The following PCDH11X variants were observed in gnomAD, a reference collection of about 807,000 sequenced individuals.
The protein encoded by PCDH11X is protocadherin-11 X-linked.
Under a neutral mutation model 53.3 loss-of-function variants are expected in PCDH11X, and 18 were observed. The observed-to-expected ratio is 0.34, with a 90% CI of 0.23 to 0.50. PCDH11X has a LOEUF of 0.50. PCDH11X is among the 20% of genes least tolerant of loss of function. The probability of loss-of-function intolerance (pLI) is 0.98; values close to 1 mark genes in which losing one functional copy is unlikely to be tolerated. For missense variants in PCDH11X, 570 were observed against 1,032.4 expected (o/e 0.55, Z 6.14); for synonymous variants, 279 against 393.3 (o/e 0.71, Z 3.44).
At position 92,424,230 on chromosome X, in the gene PCDH11X, G is replaced by A. The variant is rs759749376; in HGVS notation, c.3343+36297G>A. On this transcript the variant is annotated intron_variant, in intron 9 of 10. Coordinates refer to ENST00000682573, the MANE Select transcript of PCDH11X (RefSeq NM_032968.5). The stretch of plus-strand genomic sequence containing the variant: ...GAGAATCTCTCATATTTTCCTGAGT[G>A]TTTTTATGTTAAATGTTATATAGTA... Among the ~76,000 whole-genome samples the A allele has an allele frequency of 8.4e-3, 729 of 87,144 alleles. 31 individuals carry two copies. The highest frequency in any genetic ancestry group is 0.025 in the African/African-American group (686 of 27,391). The allele number at this position is 87,144 out of a possible 115,157, so 75.7% of individuals were successfully genotyped here. A position where few individuals can be genotyped will look rare whatever the true frequency, so the allele number is the denominator to read the frequency against.
intron 6 of PCDH11X, among the ~76,000 whole-genome samples, chrX:92,055,853 G>A (rs2063441270): frequency 9.0e-6 from 1 of 110,932 alleles, no homozygotes; most frequent in African/African-American, 3.3e-5. Context: ...ATGACCTCCA[G>A]TTCCCTCCAT....
chrX:91,887,391 T>A (rs1022644625), intron 6 of PCDH11X, among the ~76,000 whole-genome samples: 1 of 111,265 alleles, frequency 9.0e-6, no homozygotes, highest in African/African-American at 3.3e-5. Flanking sequence ...GCTATATTTC[T>A]TGCATATAAT....
At chrX:92,575,901 G>T (rs1922767035) in intron 10 of PCDH11X, among the ~76,000 whole-genome samples, 1 of 55,169 alleles carries the variant, frequency 1.8e-5, no homozygotes, top group Non-Finnish European at 3.1e-5. Context: ...AGGTTACCTG[G>T]TGTGTATATA....
intron 8 of PCDH11X, among the ~76,000 whole-genome samples, chrX:92,301,255 G>A (rs1327859353): frequency 9.3e-6 from 1 of 107,916 alleles, no homozygotes; most frequent in Non-Finnish European, 1.9e-5. Flanking sequence ...GCAAGTAGGC[G>A]TGGCCAGGGT....
chrX:92,125,388 C>T (rs1372486712), intron 6 of PCDH11X, among the ~76,000 whole-genome samples: 1 of 111,902 alleles, frequency 8.9e-6, no homozygotes. Context: ...TTTTGTTTGT[C>T]ATTGTTACAC....
At chrX:92,527,893 A>G (rs754210241) in intron 10 of PCDH11X, among the ~76,000 whole-genome samples, 2 of 112,168 alleles carry the variant, frequency 1.8e-5, no homozygotes, top group Admixed American at 1.9e-4. Context: ...CATATTTAAA[A>G]ACAAATTATA....
chrX:92,311,866 A>G (rs2068958419), intron 8 of PCDH11X, among the ~76,000 whole-genome samples: 1 of 111,613 alleles, frequency 9.0e-6, no homozygotes, highest in Non-Finnish European at 1.9e-5. Context: ...TTATTACAAT[A>G]CAGATAAAAT....
intron 10 of PCDH11X, among the ~76,000 whole-genome samples, chrX:92,510,961 T>C (rs2074151078): frequency 9.0e-6 from 1 of 111,586 alleles, no homozygotes; most frequent in African/African-American, 3.3e-5. Context: ...CTTTTAAAGT[T>C]GCCAAATGTT....
intron 8 of PCDH11X, among the ~76,000 whole-genome samples, chrX:92,353,681 C>T (rs2070115829): frequency 1.8e-5 from 2 of 108,413 alleles, no homozygotes; most frequent in African/African-American, 3.3e-5. Flanking sequence ...CTATGGGGTA[C>T]ATATAGTAAG....
intron 8 of PCDH11X, among the ~76,000 whole-genome samples, chrX:92,384,581 T>A (rs2573856): frequency 5.8e-5 from 5 of 85,818 alleles, no homozygotes; most frequent in African/African-American, 1.7e-4. Flanking sequence ...CAACTTGGTG[T>A]GTGAGGGGAA....
chrX:92,601,501 TAA>T (rs200339016), intron 10 of PCDH11X, among the ~76,000 whole-genome samples: 15 of 80,372 alleles, frequency 1.9e-4, no homozygotes, highest in South Asian at 1.1e-3. Context: ...TGGTGATTCA[TAA>T]AAAAAAAAAA....
At chrX:92,205,498 G>A (rs1441169043) in intron 7 of PCDH11X, among the ~76,000 whole-genome samples, 1 of 110,301 alleles carries the variant, frequency 9.1e-6, no homozygotes, top group Non-Finnish European at 1.9e-5. Flanking sequence ...TAACCTACCA[G>A]TATGACATCA....
chrX:92,219,653 C>A (rs1404178734), intron 7 of PCDH11X, among the ~76,000 whole-genome samples: 2 of 83,118 alleles, frequency 2.4e-5, no homozygotes, highest in African/African-American at 4.4e-5. Flanking sequence ...ATGCCATCCC[C>A]ATAAAGCTAC....
chrX:92,047,699 C>T (rs1480661861), intron 6 of PCDH11X, among the ~76,000 whole-genome samples: 1 of 109,438 alleles, frequency 9.1e-6, no homozygotes. Context: ...TCCCCATCTT[C>T]TCATCTTTCA....
At chrX:92,169,870 T>C (rs960405624) in intron 6 of PCDH11X, among the ~76,000 whole-genome samples, 5 of 110,875 alleles carry the variant, frequency 4.5e-5, no homozygotes, top group Non-Finnish European at 9.4e-5. Flanking sequence ...CCTCACAGTC[T>C]TGTGCGGTGT....
At chrX:92,615,228 T>A (rs1231913766) in intron 10 of PCDH11X, among the ~76,000 whole-genome samples, 3 of 110,423 alleles carry the variant, frequency 2.7e-5, no homozygotes, top group Non-Finnish European at 5.7e-5. Flanking sequence ...GAGATCTGTT[T>A]GGGTATTGAG....
At chrX:92,441,183 A>G (rs2072507025) in intron 9 of PCDH11X, among the ~76,000 whole-genome samples, 1 of 107,063 alleles carries the variant, frequency 9.3e-6, no homozygotes, top group African/African-American at 3.3e-5. Flanking sequence ...AAACACATTC[A>G]GTTTTATAAG....
intron 10 of PCDH11X, among the ~76,000 whole-genome samples, chrX:92,562,699 A>C (rs978158655): frequency 9.1e-6 from 1 of 110,445 alleles, no homozygotes; most frequent in South Asian, 3.8e-4. Flanking sequence ...CTTCCACCAG[A>C]TGCCCTAAAT....
chrX:92,131,728 T>G (rs1190118626), intron 6 of PCDH11X, among the ~76,000 whole-genome samples: 1 of 111,208 alleles, frequency 9.0e-6, no homozygotes, highest in Non-Finnish European at 1.9e-5. Flanking sequence ...ATTTACTTAA[T>G]CCAAATGGGT....
Sources: gnomAD v4.1 joint callset for allele counts (sites outside exome capture counted in the v4.1 genomes callset) on GRCh38, gnomAD v4.1.1 for gene constraint, MANE v1.5 for transcripts, NCBI Gene and HGNC (gene_info 2026-07-23, HGNC 2026-07-21) for gene names.